The following CSDE1 variants were observed in gnomAD, a reference collection of about 807,000 sequenced individuals.
CSDE1 encodes the protein cold shock domain-containing protein E1.
CSDE1 carries 17 observed loss-of-function variants against 89.3 expected under a neutral mutation model. The observed-to-expected ratio is 0.19, with a 90% CI of 0.13 to 0.29. The LOEUF is 0.29. Ranked by LOEUF, CSDE1 falls within the 10% of genes least tolerant of loss-of-function variation. CSDE1 has a pLI of 1.00. For missense variants in CSDE1, 672 were observed against 984.2 expected (o/e 0.68, Z 4.24); for synonymous variants, 322 against 332.8 (o/e 0.97, Z 0.35).
At chr1:114,724,099 G>A (rs1659671843) in intron 15 of CSDE1, 97 bp from the exon 16 acceptor site, 8 of 1,372,720 alleles carry the variant, frequency 5.8e-6, no homozygotes, top group Non-Finnish European at 5.9e-6. Context: ...TGTTAACAGG[G>A]TAGGTTGGCT....
intron 2 of CSDE1, among the ~76,000 whole-genome samples, chr1:114,748,576 C>T (rs779271471): frequency 2.0e-5 from 3 of 152,206 alleles, no homozygotes; most frequent in Admixed American, 6.5e-5. Flanking sequence ...AGTTACTACT[C>T]TAACTTCCCT....
chr1:114,721,083 C>G (rs1410776208), intron 16 of CSDE1, among the ~76,000 whole-genome samples: 2 of 152,118 alleles, frequency 1.3e-5, no homozygotes, highest in Admixed American at 1.3e-4. Context: ...ATGAGCCAAC[C>G]AAAAATACTT....
intron 12 of CSDE1, among the ~76,000 whole-genome samples, chr1:114,728,072 T>C (rs1659896881): frequency 6.6e-6 from 1 of 152,234 alleles, no homozygotes; most frequent in African/African-American, 2.4e-5. Context: ...TGCTATATAA[T>C]AATTTATTGA....
intron 1 of CSDE1, among the ~76,000 whole-genome samples, chr1:114,753,339 T>A (rs1661408371): frequency 6.6e-6 from 1 of 152,202 alleles, no homozygotes; most frequent in African/African-American, 2.4e-5. Context: ...ATGAGGTCTA[T>A]TAGGAGCTAT....
chr1:114,739,955 G>A (rs1031709328), intron 2 of CSDE1, 65 bp from the exon 3 acceptor site: 4 of 1,320,502 alleles, frequency 3.0e-6, no homozygotes, highest in Non-Finnish European at 4.3e-6. Flanking sequence ...ATTAAGTCTG[G>A]TTAATAAGTC....
intron 18 of CSDE1, 146 bp downstream of exon 18, chr1:114,719,432 CT>C: frequency 2.3e-6 from 2 of 870,748 alleles, no homozygotes; most frequent in Non-Finnish European, 1.7e-6. Context: ...ACTAAACAAT[CT>C]TTTTGTATTC....
chr1:114,721,348 G>GTAAACAATAT (rs1659509614), intron 16 of CSDE1, among the ~76,000 whole-genome samples: 1 of 152,144 alleles, frequency 6.6e-6, no homozygotes, highest in African/African-American at 2.4e-5. Context: ...GTAAACAAAT[G>GTAAACAATAT]GTTGTGGCTG....
At chr1:114,727,253 G>A (rs1378545804) in intron 12 of CSDE1, among the ~76,000 whole-genome samples, 163 bp from the exon 13 acceptor site, 2 of 152,192 alleles carry the variant, frequency 1.3e-5, no homozygotes, top group Non-Finnish European at 2.9e-5. Context: ...ATAAAAGGTA[G>A]TCTTGCCTTA....
intron 16 of CSDE1, among the ~76,000 whole-genome samples, chr1:114,723,250 C>T (rs929533209): frequency 6.6e-6 from 1 of 152,148 alleles, no homozygotes; most frequent in Non-Finnish European, 1.5e-5. Context: ...AGAGTTCTCT[C>T]CTATTTCTAT....
At chr1:114,748,090 T>C (rs1261302452) in intron 2 of CSDE1, among the ~76,000 whole-genome samples, 3 of 152,232 alleles carry the variant, frequency 2.0e-5, no homozygotes, top group Non-Finnish European at 4.4e-5. Flanking sequence ...TTTACTATAG[T>C]TTTTAGTTGT....
chr1:114,724,169 T>G, intron 15 of CSDE1, 167 bp from the exon 16 acceptor site: 1 of 554,474 alleles, frequency 1.8e-6, no homozygotes, highest in Non-Finnish European at 3.1e-6. Context: ...GAACAGCTGC[T>G]GGACTTTAAA....
rs1257792159 is a variant in CSDE1 at position 114,735,220 on chromosome 1, CAT to C, written c.501-699_501-698del. Among the ~76,000 whole-genome samples the C allele has an allele frequency of 3.9e-5, 6 of 152,300 alleles. No homozygotes were observed. In the East Asian group the frequency reaches 7.7e-4, roughly 20 times the overall value. On this transcript the variant is annotated intron_variant, in intron 6 of 19. Transcript: ENST00000358528. ...AAATTCAATTTTGTTTTTAAGATAA[CAT>C]AGACTGTATAAGACATAATGGTACT...
chr1:114,717,643 T>C lies in CSDE1; in HGVS notation c.*526A>G, dbSNP rs1659259393. On this transcript the variant is annotated 3_prime_UTR_variant, in exon 20 of 20. Transcript: ENST00000358528. The stretch of plus-strand genomic sequence containing the variant: ...TTGGCCATCAACTTTAAGAAATGGT[T>C]TGCCTATACAAATTTTTGTAATTTT... 6.5e-6 allele frequency: 1 copy of C among 152,686 alleles called. No individual in the cohort carries two copies. Among genetic ancestry groups the C allele is most frequent in the South Asian group, 2.1e-4 (1 of 4,838 alleles). 9.5% of individuals were successfully genotyped at this position (152,686 alleles called of 1,614,324 possible). A position where few individuals can be genotyped will look rare whatever the true frequency, so the allele number is the denominator to read the frequency against.
chr1:114,739,967 C>A, intron 2 of CSDE1, 77 bp from the exon 3 acceptor site: 3 of 1,228,168 alleles, frequency 2.4e-6, no homozygotes, highest in Non-Finnish European at 3.5e-6. Context: ...TAATAAGTCA[C>A]TAAATCTTCC....
intron 3 of CSDE1, 88 bp downstream of exon 3, chr1:114,739,604 A>G: frequency 1.7e-6 from 2 of 1,150,622 alleles, no homozygotes; most frequent in Non-Finnish European, 2.6e-6. Flanking sequence ...TAATTTACAT[A>G]AAACTTTTTG....
At chr1:114,735,697 T>C (rs1364396026) in intron 6 of CSDE1, among the ~76,000 whole-genome samples, 2 of 152,210 alleles carry the variant, frequency 1.3e-5, no homozygotes, top group Non-Finnish European at 2.9e-5. Context: ...CACATGCTAC[T>C]GGAAGGTACA....
Position 114,724,114 on chromosome 1 carries a change from G to C in CSDE1, c.1754-112C>G. The stretch of plus-strand genomic sequence containing the variant: ...TGTTAACAGGGTAGGTTGGCTGGCT[G>C]CTATTGAAATGGGGTAGGGAACCTG... On this transcript the variant is annotated intron_variant, in intron 15 of 19. Coordinates refer to ENST00000358528, the MANE Select transcript of CSDE1 (RefSeq NM_001007553.3). The C allele has an allele frequency of 2.5e-6, 3 of 1,215,398 alleles. No individual in the cohort carries two copies. The South Asian group carries it at 4.7e-5, about 19-fold the overall frequency. 75.3% of individuals were successfully genotyped at this position (1,215,398 alleles called of 1,614,324 possible). A position where few individuals can be genotyped will look rare whatever the true frequency, so the allele number is the denominator to read the frequency against.
chr1:114,738,025 T>C lies in CSDE1; in HGVS notation c.247A>G (p.Ile83Val), dbSNP rs1660500947. 2 of 1,614,106 alleles carry C rather than the reference T, an allele frequency of 1.2e-6. No individual in the cohort carries two copies. Among genetic ancestry groups the C allele is most frequent in the African/African-American group, 1.3e-5 (1 of 75,050 alleles). ...VSSDRRTGKP[I>V]AVKLVKIKQE... ...TTTATCTTCACCAGTTTAACAGCAA[T>C]GGGTTTCCCAGTCCGTCGGTCCGAT... The change falls in exon 4 of 20, where the codon ATT becomes GTT. Residue 83 changes from isoleucine (I) to valine (V), a missense_variant. Physicochemically the swap from Ile to Val is conservative, Grantham distance 29. Coordinates refer to ENST00000358528, the MANE Select transcript of CSDE1 (RefSeq NM_001007553.3).
intron 2 of CSDE1, among the ~76,000 whole-genome samples, chr1:114,747,434 A>G (rs974333876): frequency 2.0e-5 from 3 of 152,252 alleles, no homozygotes; most frequent in Non-Finnish European, 4.4e-5. Context: ...TAATTTTTAG[A>G]CAGCTATGGA....
Sources: allele counts gnomAD v4.1 joint callset (sites outside exome capture counted in the v4.1 genomes callset), GRCh38; gene constraint gnomAD v4.1.1; transcripts MANE v1.5; gene names NCBI Gene and HGNC (gene_info 2026-07-23, HGNC 2026-07-21).